Variants in DPF3 observed in about 807,000 individuals in gnomAD.
DPF3 encodes the protein zinc finger protein DPF3.
In DPF3, 18 loss-of-function variants were observed where a neutral mutation model predicts 56.8. That is an observed-to-expected ratio of 0.32 (90% CI 0.22 to 0.47). The LOEUF is 0.47. DPF3 is among the 20% of genes least tolerant of loss of function. The pLI, the probability that DPF3 is intolerant of heterozygous loss-of-function variation, is 1.00. For synonymous variants in DPF3, 188 were observed against 180.2 expected, an observed-to-expected ratio of 1.04 and a Z score of -0.35; for missense variants, 403 against 488.8, an observed-to-expected ratio of 0.82 and a Z score of 1.65.
chr14:72,755,474 G>T (rs372018561), intron 2 of DPF3, among the ~76,000 whole-genome samples: 15 of 152,296 alleles, frequency 9.8e-5, no homozygotes, highest in East Asian at 5.8e-4. Flanking sequence ...GAGCACGTGA[G>T]TCCTGGGAAG....
At chr14:72,730,902 C>T (rs772351223) in intron 4 of DPF3, among the ~76,000 whole-genome samples, 2 of 152,136 alleles carry the variant, frequency 1.3e-5, no homozygotes, top group Non-Finnish European at 2.9e-5. Flanking sequence ...GGTGCAGTGA[C>T]TCACGCCTGT....
intron 1 of DPF3, among the ~76,000 whole-genome samples, chr14:72,869,516 G>A (rs1297209884): frequency 6.6e-6 from 1 of 152,278 alleles, no homozygotes; most frequent in Middle Eastern, 3.4e-3. Context: ...GTGTGAGACG[G>A]TGTGCTTCTC....
chr14:72,800,379 T>C (rs1892823681), intron 1 of DPF3, among the ~76,000 whole-genome samples: 1 of 13,786 alleles, frequency 7.3e-5, no homozygotes, highest in Non-Finnish European at 2.8e-3. Flanking sequence ...AATAGATAAA[T>C]GGATGGATGG....
chr14:72,728,348 G>C (rs1425903388), intron 4 of DPF3, among the ~76,000 whole-genome samples: 1 of 152,140 alleles, frequency 6.6e-6, no homozygotes, highest in East Asian at 1.9e-4. Flanking sequence ...TAAAAGATGA[G>C]TGAGATTTGT....
chr14:72,809,222 C>G (rs1426250808), intron 1 of DPF3, among the ~76,000 whole-genome samples: 2 of 152,242 alleles, frequency 1.3e-5, no homozygotes, highest in African/African-American at 4.8e-5. Context: ...GAACCATAAG[C>G]TAAATAAATC....
intron 1 of DPF3, among the ~76,000 whole-genome samples, chr14:72,779,618 C>A (rs373934228): frequency 2.6e-5 from 4 of 152,354 alleles, no homozygotes; most frequent in East Asian, 3.9e-4. Flanking sequence ...CCTCCCTGGG[C>A]CTAAATTCTA....
At position 72,789,437 on chromosome 14, in the gene DPF3, G is replaced by A. The variant is rs117177367; in HGVS notation, c.33-17544C>T. On this transcript the variant is annotated intron_variant, in intron 1 of 10. Transcript: ENST00000556509. Reference sequence around the variant, plus strand: ...GCTCTTAACCACTCCACACCACGCTGCCTCTGTAGGAGAGGTTTGCTGACT... The same window carrying A: ...GCTCTTAACCACTCCACACCACGCTACCTCTGTAGGAGAGGTTTGCTGACT... Among the ~76,000 whole-genome samples the A allele has an allele frequency of 1.1e-3, 166 of 152,314 alleles. 1 individual carries two copies. The East Asian group carries it at 0.03, about 28-fold the overall frequency.
chr14:72,828,540 A>AAAAAAAAAAAAAAAAAAAAAAAAAAC (rs1883915868), intron 1 of DPF3, among the ~76,000 whole-genome samples: 1 of 151,056 alleles, frequency 6.6e-6, no homozygotes, highest in African/African-American at 2.4e-5. Flanking sequence ...CATGTCTTAA[A>AAAAAAAAAAAAAAAAAAAAAAAAAAC]AAAAAAAAAA....
At chr14:72,649,329 G>A (rs1045877909) in intron 8 of DPF3, among the ~76,000 whole-genome samples, 5 of 152,270 alleles carry the variant, frequency 3.3e-5, no homozygotes, top group Non-Finnish European at 7.3e-5. Flanking sequence ...TATGGAGGCA[G>A]GAGGTGGAAC....
intron 6 of DPF3, among the ~76,000 whole-genome samples, chr14:72,699,400 T>C (rs1567204283): frequency 6.6e-6 from 1 of 151,078 alleles, no homozygotes; most frequent in Non-Finnish European, 1.5e-5. Context: ...CATGCTCCTG[T>C]AGTCCCAGCT....
intron 2 of DPF3, among the ~76,000 whole-genome samples, chr14:72,762,898 T>G (rs1382308540): frequency 1.3e-5 from 2 of 151,954 alleles, no homozygotes; most frequent in Non-Finnish European, 2.9e-5. Context: ...CTATTAGAAC[T>G]AATGAGTTTA....
At chr14:72,827,521 CAG>C (rs1224602303) in intron 1 of DPF3, among the ~76,000 whole-genome samples, 1 of 98,626 alleles carries the variant, frequency 1.0e-5, no homozygotes, top group Non-Finnish European at 1.8e-5. Flanking sequence ...TTTTTTGAGA[CAG>C]AGTCTCACTC....
intron 1 of DPF3, among the ~76,000 whole-genome samples, chr14:72,862,911 G>A (rs1487304861): frequency 6.6e-6 from 1 of 152,010 alleles, no homozygotes; most frequent in Admixed American, 6.6e-5. Context: ...TTTGTTCACT[G>A]CTCTATGTCT....
chr14:72,866,554 C>T (rs1885676225), intron 1 of DPF3, among the ~76,000 whole-genome samples: 1 of 150,512 alleles, frequency 6.6e-6, no homozygotes, highest in Non-Finnish European at 1.5e-5. Flanking sequence ...GGAGTTTTCT[C>T]ATCGATAAAA....
rs193220939 is a variant in DPF3 at position 72,810,443 on chromosome 14, C to T, written c.33-38550G>A. On this transcript the variant is annotated intron_variant, in intron 1 of 10. Transcript: ENST00000556509. Reference sequence around the variant, plus strand: ...TTCTAATACGTCAGCAAATGTGTACCGAGCTTCCGGGCTGCAGAGGAAGGT... The same window carrying T: ...TTCTAATACGTCAGCAAATGTGTACTGAGCTTCCGGGCTGCAGAGGAAGGT... Among the ~76,000 whole-genome samples, 186 of 152,156 alleles carry T rather than the reference C, an allele frequency of 1.2e-3. 2 individuals are homozygous for T. In the Middle Eastern group the frequency reaches 0.017, roughly 14 times the overall value.
chr14:72,637,177 G>A (rs1885408455), intron 8 of DPF3, among the ~76,000 whole-genome samples: 1 of 152,182 alleles, frequency 6.6e-6, no homozygotes, highest in Non-Finnish European at 1.5e-5. Context: ...TTCTCAAATG[G>A]TCCTAGAAAT....
At chr14:72,817,364 T>C (rs527607378) in intron 1 of DPF3, among the ~76,000 whole-genome samples, 5 of 152,272 alleles carry the variant, frequency 3.3e-5, no homozygotes, top group African/African-American at 1.2e-4. Flanking sequence ...AATCAAAGAA[T>C]TGTGGTTAAT....
At chr14:72,699,076 G>A (rs575295376) in intron 6 of DPF3, among the ~76,000 whole-genome samples, 2 of 152,262 alleles carry the variant, frequency 1.3e-5, no homozygotes, top group African/African-American at 4.8e-5. Context: ...TTTTGGAGCT[G>A]GCAGGGTGGC....
chr14:72,878,840 C>T (rs1296303987), intron 1 of DPF3, among the ~76,000 whole-genome samples: 1 of 152,224 alleles, frequency 6.6e-6, no homozygotes, highest in African/African-American at 2.4e-5. Flanking sequence ...GTCATAAATG[C>T]ACATCCTACA....
Sources: gnomAD v4.1 joint callset for allele counts (sites outside exome capture counted in the v4.1 genomes callset) on GRCh38, gnomAD v4.1.1 for gene constraint, MANE v1.5 for transcripts, NCBI Gene and HGNC (gene_info 2026-07-23, HGNC 2026-07-21) for gene names.